The following ST6GAL2 variants were observed in gnomAD, a reference collection of about 807,000 sequenced individuals.
ST6GAL2 encodes the protein ST6 beta-galactoside alpha-2,6-sialyltransferase 2.
ST6GAL2 carries 24 observed loss-of-function variants against 37.5 expected under a neutral mutation model. That is an observed-to-expected ratio of 0.64 (90% CI 0.46 to 0.90). The LOEUF (loss-of-function observed/expected upper bound fraction) is 0.90, where lower values mean the gene tolerates loss of function less well. Ranked by LOEUF, ST6GAL2 falls within the 40% of genes least tolerant of loss-of-function variation. The probability of loss-of-function intolerance (pLI) is 0.00; values close to 1 mark genes in which losing one functional copy is unlikely to be tolerated. For missense variants in ST6GAL2, 715 were observed against 712.7 expected (o/e 1.00, Z -0.04); for synonymous variants, 306 against 295.1 (o/e 1.04, Z -0.38).
chr2:106,854,033 TAAG>T (rs1444496402), intron 1 of ST6GAL2, among the ~76,000 whole-genome samples: 1 of 152,194 alleles, frequency 6.6e-6, no homozygotes, highest in East Asian at 1.9e-4. Flanking sequence ...TGGCTAATAC[TAAG>T]AAGATGGAAG....
At chr2:106,815,721 T>C (rs1675775745) in intron 5 of ST6GAL2, among the ~76,000 whole-genome samples, 2 of 152,230 alleles carry the variant, frequency 1.3e-5, no homozygotes, top group Admixed American at 6.5e-5. Context: ...GGTTTGGAGA[T>C]GCTAAGTAAC....
chr2:106,857,651 CAT>C (rs1332109022), intron 1 of ST6GAL2, among the ~76,000 whole-genome samples: 1 of 152,128 alleles, frequency 6.6e-6, no homozygotes, highest in Non-Finnish European at 1.5e-5. Context: ...CATATACACA[CAT>C]GTTCTGGAGT....
chr2:106,815,024 T>C lies in ST6GAL2; in HGVS notation c.1319-8075A>G, dbSNP rs370183072. Among the ~76,000 whole-genome samples the C allele has an allele frequency of 3.3e-5, 5 of 152,324 alleles. No individual in the cohort carries two copies. The East Asian group carries it at 7.7e-4, about 24-fold the overall frequency. On this transcript the variant is annotated intron_variant, in intron 5 of 5. Coordinates refer to ENST00000409382, the MANE Select transcript of ST6GAL2 (RefSeq NM_001142351.2). ...TCATCTAAATTACCCTGATTCATGTTACATCTTTTTAGTTTTAAAAATACA... is the reference window on the plus strand; with the variant it reads ...TCATCTAAATTACCCTGATTCATGTCACATCTTTTTAGTTTTAAAAATACA...
chr2:106,849,133 T>A (rs2104541195), intron 1 of ST6GAL2, among the ~76,000 whole-genome samples: 1 of 152,338 alleles, frequency 6.6e-6, no homozygotes, highest in African/African-American at 2.4e-5. Context: ...AGCCTCAAGC[T>A]TTGCGCTCAA....
intron 1 of ST6GAL2, among the ~76,000 whole-genome samples, chr2:106,884,934 T>TATATATACACACACAC (rs1425070594): frequency 1.7e-5 from 2 of 120,470 alleles, no homozygotes; most frequent in African/African-American, 7.1e-5. Context: ...TATATATATA[T>TATATATACACACACAC]ACATACACAC....
At chr2:106,883,170 T>C (rs766021734) in intron 1 of ST6GAL2, among the ~76,000 whole-genome samples, 5 of 152,196 alleles carry the variant, frequency 3.3e-5, no homozygotes, top group African/African-American at 9.7e-5. Flanking sequence ...GCCAAGTATT[T>C]TGAATTGCAA....
chr2:106,867,777 G>A (rs1678097389), intron 1 of ST6GAL2, among the ~76,000 whole-genome samples: 1 of 152,104 alleles, frequency 6.6e-6, no homozygotes, highest in Non-Finnish European at 1.5e-5. Flanking sequence ...TTGTTCCACT[G>A]AACACCAACT....
chr2:106,839,659 A>G (rs951979991), intron 2 of ST6GAL2, among the ~76,000 whole-genome samples: 2 of 152,000 alleles, frequency 1.3e-5, no homozygotes, highest in African/African-American at 2.4e-5. Context: ...CTCTCCCTCC[A>G]TGTCCCATTT....
At chr2:106,872,687 G>A (rs1678322816) in intron 1 of ST6GAL2, among the ~76,000 whole-genome samples, 1 of 31,498 alleles carries the variant, frequency 3.2e-5, no homozygotes, top group Non-Finnish European at 7.7e-5. Context: ...TCGGCTCACT[G>A]CACTCCCGGG....
At chr2:106,827,021 A>C (rs1244689613) in intron 5 of ST6GAL2, among the ~76,000 whole-genome samples, 1 of 152,186 alleles carries the variant, frequency 6.6e-6, no homozygotes, top group Non-Finnish European at 1.5e-5. Flanking sequence ...GGGACTGTGC[A>C]AACTGAAATG....
intron 1 of ST6GAL2, among the ~76,000 whole-genome samples, chr2:106,883,978 GTTTGTC>G (rs1223128926): frequency 6.6e-6 from 1 of 152,194 alleles, no homozygotes; most frequent in Admixed American, 6.5e-5. Flanking sequence ...CTAGAAATCA[GTTTGTC>G]TTTCAGAAAA....
At position 106,820,232 on chromosome 2, in the gene ST6GAL2, C is replaced by A. The variant is rs114714934; in HGVS notation, c.1318+9834G>T. ...TCTATTGCCTACAAGAAACACACTTCACCAATAAAGAGACACATAGACTGA... is the reference window on the plus strand; with the variant it reads ...TCTATTGCCTACAAGAAACACACTTAACCAATAAAGAGACACATAGACTGA... On this transcript the variant is annotated intron_variant, in intron 5 of 5. Transcript: ENST00000409382. 6.1e-3 allele frequency among the ~76,000 whole-genome samples: 932 copies of A among 152,080 alleles called. 11 individuals are homozygous for A. Among genetic ancestry groups the A allele is most frequent in the African/African-American group, 0.021 (875 of 41,520 alleles).
At chr2:106,873,144 C>T (rs995929774) in intron 1 of ST6GAL2, among the ~76,000 whole-genome samples, 2 of 152,156 alleles carry the variant, frequency 1.3e-5, no homozygotes, top group African/African-American at 2.4e-5. Context: ...CATCTCTCTC[C>T]GTAGATGTCC....
intron 5 of ST6GAL2, among the ~76,000 whole-genome samples, chr2:106,808,998 C>T (rs1675517728): frequency 6.6e-6 from 1 of 152,184 alleles, no homozygotes; most frequent in Admixed American, 6.5e-5. Flanking sequence ...CAGAGCAAGA[C>T]TCTGTCTCAA....
chr2:106,851,599 G>A (rs1001964065), intron 1 of ST6GAL2, among the ~76,000 whole-genome samples: 1 of 151,902 alleles, frequency 6.6e-6, no homozygotes, highest in Non-Finnish European at 1.5e-5. Context: ...CCACTTTAAC[G>A]ATGTCCCTCT....
In ST6GAL2 at chr2:106,843,389, A is replaced by G. The variant is rs973523102; in HGVS notation, c.589T>C (p.Ser197Pro). 6.2e-7 allele frequency: 1 copy of G among 1,614,122 alleles called. No individual in the cohort carries two copies. The highest frequency in any genetic ancestry group is 1.3e-5 in the African/African-American group (1 of 75,050). The change falls in exon 2 of 6, where the codon TCC becomes CCC. Residue 197 changes from serine (S) to proline (P), a missense_variant. Ser to Pro is a moderately conservative substitution (Grantham distance 74, BLOSUM62 -1). Coordinates refer to ENST00000409382, the MANE Select transcript of ST6GAL2 (RefSeq NM_001142351.2). ...EEGDDGDRLY[S>P]SMSRAFLYRL... ...TACAGGAAGGCCCTGGACATGGAGG[A>G]GTACAGCCTGTCGCCGTCGTCGCCC...
chr2:106,867,950 T>C (rs1015822791), intron 1 of ST6GAL2, among the ~76,000 whole-genome samples: 2 of 152,078 alleles, frequency 1.3e-5, no homozygotes, highest in African/African-American at 4.8e-5. Context: ...TCATAAGTCA[T>C]CTCAAAGAAT....
chr2:106,859,899 T>A (rs921900499), intron 1 of ST6GAL2, among the ~76,000 whole-genome samples: 1 of 152,096 alleles, frequency 6.6e-6, no homozygotes, highest in Non-Finnish European at 1.5e-5. Context: ...AAAATTACCC[T>A]TTGCCGTGGC....
chr2:106,808,579 C>CTG (rs1310975131), intron 5 of ST6GAL2, among the ~76,000 whole-genome samples: 1 of 152,106 alleles, frequency 6.6e-6, no homozygotes, highest in Non-Finnish European at 1.5e-5. Context: ...GCCTAAAGCA[C>CTG]TGTGATTCAG....
Sources: gnomAD v4.1 joint callset for allele counts (sites outside exome capture counted in the v4.1 genomes callset) on GRCh38, gnomAD v4.1.1 for gene constraint, MANE v1.5 for transcripts, NCBI Gene and HGNC (gene_info 2026-07-23, HGNC 2026-07-21) for gene names.